ANGPTL5: variants seen among roughly 807,000 people sequenced by gnomAD.
ANGPTL5 encodes the protein angiopoietin-related protein 5.
In ANGPTL5, 34 loss-of-function variants were observed where a neutral mutation model predicts 39.4. The observed-to-expected ratio is 0.86, with a 90% CI of 0.66 to 1.15. The LOEUF is 1.15. Among genes scored for constraint, ANGPTL5 ranks in the 50% most tolerant of loss-of-function variants. ANGPTL5 has a pLI of 0.00. For missense variants in ANGPTL5, 467 were observed against 457.5 expected, an observed-to-expected ratio of 1.02 and a Z score of -0.19; for synonymous variants, 146 against 152.1, an observed-to-expected ratio of 0.96 and a Z score of 0.29.
chr11:101,902,564 G>T (rs925628320), intron 6 of ANGPTL5, 57 bp downstream of exon 6: 1 of 1,203,214 alleles, frequency 8.3e-7, no homozygotes, highest in Non-Finnish European at 1.2e-6. Context: ...AAATTAAATT[G>T]GTTGGATGTT....
Position 101,902,647 on chromosome 11 carries a change from G to A in ANGPTL5, c.514C>T (p.Pro172Ser). 2 of 1,609,024 alleles carry A rather than the reference G, an allele frequency of 1.2e-6. No homozygotes were observed. The highest frequency in any genetic ancestry group is 1.7e-5 in the Admixed American group (1 of 59,972). Residue 172 changes from proline to serine, a missense_variant, in exon 6 of 9, where the codon CCA (proline) becomes TCA (serine). Pro to Ser is a moderately conservative substitution (Grantham distance 74, BLOSUM62 -1). Transcript: ENST00000334289. ...TCAAATGGGTAGCTAGATCCTTCTG[G>A]GTGAATTATGTATAAACCACTCGGT... ...KTPSGLYIIHPEGSSYPFEVM... is the reference protein window; with the variant it reads ...KTPSGLYIIHSEGSSYPFEVM...
At position 101,894,737 on chromosome 11, in the gene ANGPTL5, T is replaced by G. The variant is rs1939760117; in HGVS notation, c.847+142A>C. 6 of 837,592 alleles carry G rather than the reference T, an allele frequency of 7.2e-6. No individual in the cohort carries two copies. The Admixed American group carries it at 1.6e-4, about 22-fold the overall frequency. 51.9% of individuals were successfully genotyped at this position (837,592 alleles called of 1,614,324 possible). A position where few individuals can be genotyped will look rare whatever the true frequency, so the allele number is the denominator to read the frequency against. On this transcript the variant is annotated intron_variant, in intron 8 of 8. Coordinates refer to ENST00000334289, the MANE Select transcript of ANGPTL5 (RefSeq NM_178127.5). The stretch of plus-strand genomic sequence containing the variant: ...TAACAAAGTTTCAAAACTCAAGACT[T>G]GGCCAGCTTTCTTATTCCTAATCTA...
At position 101,915,416 on chromosome 11, in the gene ANGPTL5, T is replaced by G. The variant is rs749291141; in HGVS notation, c.-93+603A>C. 5 of 1,610,178 alleles carry G rather than the reference T, an allele frequency of 3.1e-6. No individual in the cohort carries two copies. The South Asian group carries it at 4.4e-5, about 14-fold the overall frequency. ...ATCACCGACCTGGCTCTTACCTGTA[T>G]CCTTCCCAGCCTGTGGCTGCCAGGG... On this transcript the variant is annotated intron_variant, in intron 1 of 8. Coordinates refer to ENST00000334289, the MANE Select transcript of ANGPTL5 (RefSeq NM_178127.5).
intron 2 of ANGPTL5, 91 bp downstream of exon 2, chr11:101,907,723 G>A (rs1940022436): frequency 1.2e-6 from 1 of 813,238 alleles, no homozygotes; most frequent in Non-Finnish European, 2.0e-6. Flanking sequence ...ATTATATTTG[G>A]TAGTTATGAT....
At chr11:101,903,630 G>A (rs1249123404) in intron 5 of ANGPTL5, among the ~76,000 whole-genome samples, 3 of 152,034 alleles carry the variant, frequency 2.0e-5, no homozygotes, top group Admixed American at 6.6e-5. Context: ...TTTCCCCTTC[G>A]TCTCTGGGAG....
Position 101,902,676 on chromosome 11 carries a change from T to C in ANGPTL5, c.485A>G (p.Lys162Arg). The change falls in exon 6 of 9, where the codon AAA (lysine) becomes AGA (arginine). Residue 162 changes from lysine to arginine, a missense_variant. Transcript: ENST00000334289. ...AATTATGTATAAACCACTCGGTGTT[T>C]TGGTGACAGAGCCAATGGTATCCTT... ...DIKDTIGSVT[K>R]TPSGLYIIHP... 1 of 1,611,928 alleles carries C rather than the reference T, an allele frequency of 6.2e-7. No individual in the cohort carries two copies. The highest frequency in any genetic ancestry group is 8.5e-7 in the Non-Finnish European group (1 of 1,178,518).
intron 4 of ANGPTL5, among the ~76,000 whole-genome samples, chr11:101,905,320 C>T (rs1939979355): frequency 6.6e-6 from 1 of 152,142 alleles, no homozygotes; most frequent in African/African-American, 2.4e-5. Context: ...AGTCAGTTTT[C>T]CTTAAATACT....
rs983909142 is a variant in ANGPTL5 at position 101,904,849 on chromosome 11, A to C, written c.404T>G (p.Leu135Arg). The change falls in exon 5 of 9, where the codon CTG becomes CGG. Residue 135 changes from leucine (L) to arginine (R), a missense_variant. By Grantham distance (102) the Leu-to-Arg change is moderately radical (BLOSUM62 -2). Transcript: ENST00000334289. ...AACAGGTCTGTGAGGAAAAGGATCC[A>C]GCTGTTTTCTAAAAACTTCTGTAGT... The part of the protein sequence containing the change: ...LLTTEVFRKQ[L>R]DPFPHRPVQS... The C allele has an allele frequency of 5.6e-6, 9 of 1,613,798 alleles. No homozygotes were observed. The highest frequency in any genetic ancestry group is 4.5e-5 in the East Asian group (2 of 44,860).
chr11:101,904,791 G>C (rs1422839882), intron 5 of ANGPTL5, 23 bp downstream of exon 5: 1 of 1,590,848 alleles, frequency 6.3e-7, no homozygotes, highest in African/African-American at 1.3e-5. Context: ...AACATGAAAA[G>C]GCTGAAATAC....
intron 1 of ANGPTL5, 135 bp downstream of exon 1, chr11:101,915,884 G>A (rs544019585): frequency 6.6e-6 from 1 of 152,636 alleles, no homozygotes; most frequent in Non-Finnish European, 1.5e-5. Flanking sequence ...ACACAGTTTG[G>A]TAAGTTGTTT....
intron 7 of ANGPTL5, 100 bp downstream of exon 7, chr11:101,900,330 A>C: frequency 8.3e-7 from 1 of 1,208,348 alleles, no homozygotes; most frequent in Non-Finnish European, 1.2e-6. Flanking sequence ...GATATTTGCA[A>C]GCATTTGCTA....
intron 8 of ANGPTL5, among the ~76,000 whole-genome samples, chr11:101,893,114 T>G (rs1202190246): frequency 1.3e-5 from 2 of 152,188 alleles, no homozygotes; most frequent in Non-Finnish European, 1.5e-5. Context: ...GCACATAAGC[T>G]CCTCAAGAGA....
chr11:101,911,407 A>C (rs1424211832), intron 1 of ANGPTL5, among the ~76,000 whole-genome samples: 2 of 152,040 alleles, frequency 1.3e-5, no homozygotes, highest in Non-Finnish European at 2.9e-5. Context: ...TACAGGCGTG[A>C]GCCACCATGC....
At chr11:101,915,174 C>T (rs1376000327) in intron 1 of ANGPTL5, 3 of 1,495,782 alleles carry the variant, frequency 2.0e-6, no homozygotes, top group Non-Finnish European at 2.7e-6. Context: ...GCCCGTGACG[C>T]GGGGCCTGAG....
chr11:101,898,116 G>A (rs746786611), intron 7 of ANGPTL5, among the ~76,000 whole-genome samples: 32 of 151,974 alleles, frequency 2.1e-4, no homozygotes, highest in East Asian at 5.8e-4. Flanking sequence ...CCAACTACTC[G>A]GGAGGCTGAG....
chr11:101,905,572 T>C (rs1939984692), intron 4 of ANGPTL5, among the ~76,000 whole-genome samples, 172 bp downstream of exon 4: 1 of 152,184 alleles, frequency 6.6e-6, no homozygotes, highest in South Asian at 2.1e-4. Context: ...TTGAATTAAG[T>C]TCGATTTTTT....
At chr11:101,895,432 T>A (rs936412301) in intron 7 of ANGPTL5, among the ~76,000 whole-genome samples, 8 of 152,196 alleles carry the variant, frequency 5.3e-5, no homozygotes, top group African/African-American at 1.9e-4. Context: ...CATTTCAACA[T>A]AAAACCAATT....
At chr11:101,903,109 A>G (rs573044555) in intron 5 of ANGPTL5, among the ~76,000 whole-genome samples, 1 of 152,286 alleles carries the variant, frequency 6.6e-6, no homozygotes, top group South Asian at 2.1e-4. Flanking sequence ...AGGGAGGAGA[A>G]AACCAAAAGG....
intron 1 of ANGPTL5, among the ~76,000 whole-genome samples, chr11:101,912,413 T>C (rs571768928): frequency 4.1e-4 from 62 of 152,196 alleles, no homozygotes; most frequent in Non-Finnish European, 8.1e-4. Context: ...AAAGCCTTTT[T>C]CCATAAATAA....
Sources: gnomAD v4.1 joint callset for allele counts (sites outside exome capture counted in the v4.1 genomes callset) on GRCh38, gnomAD v4.1.1 for gene constraint, MANE v1.5 for transcripts, NCBI Gene and HGNC (gene_info 2026-07-23, HGNC 2026-07-21) for gene names.